CNTNAP2: variants seen among roughly 807,000 people sequenced by gnomAD.
CNTNAP2 encodes contactin-associated protein-like 2.
In CNTNAP2, 98 loss-of-function variants were observed where a neutral mutation model predicts 155.2. The observed-to-expected ratio is 0.63, with a 90% confidence interval of 0.54 to 0.75. CNTNAP2 has a LOEUF of 0.75. Among genes scored for constraint, CNTNAP2 ranks in the 30% least tolerant of loss-of-function variants. The pLI is 0.00. For missense variants in CNTNAP2, 1,727 were observed against 1,688.1 expected (o/e 1.02, Z -0.40); for synonymous variants, 651 against 631.2 (o/e 1.03, Z -0.47).
At chr7:147,366,289 T>A (rs1010299064) in intron 9 of CNTNAP2, among the ~76,000 whole-genome samples, 1 of 152,160 alleles carries the variant, frequency 6.6e-6, no homozygotes, top group African/African-American at 2.4e-5. Context: ...CCTTCTCCAT[T>A]TTTTTCTTTA....
At chr7:146,175,568 C>A (rs976362998) in intron 1 of CNTNAP2, among the ~76,000 whole-genome samples, 2 of 152,162 alleles carry the variant, frequency 1.3e-5, no homozygotes, top group African/African-American at 4.8e-5. Flanking sequence ...CCTATGATTA[C>A]ATGATTGCCA....
chr7:147,459,997 T>A (rs933580479), intron 10 of CNTNAP2, among the ~76,000 whole-genome samples: 3 of 151,872 alleles, frequency 2.0e-5, no homozygotes, highest in Non-Finnish European at 4.4e-5. Flanking sequence ...TGTCAGGGGA[T>A]GGTGGGCTAG....
chr7:148,090,754 C>G (rs1460178621), intron 15 of CNTNAP2, among the ~76,000 whole-genome samples: 1 of 151,996 alleles, frequency 6.6e-6, no homozygotes, highest in Non-Finnish European at 1.5e-5. Context: ...GGCTACATAT[C>G]CAAAGGAAAT....
At chr7:148,181,754 T>A (rs1256008555) in intron 18 of CNTNAP2, among the ~76,000 whole-genome samples, 9 of 119,756 alleles carry the variant, frequency 7.5e-5, no homozygotes, top group African/African-American at 3.0e-4. Context: ...TTTTTTTTTT[T>A]TTTTTTTTTT....
chr7:147,381,074 G>T (rs1429451816), intron 9 of CNTNAP2, among the ~76,000 whole-genome samples: 3 of 152,042 alleles, frequency 2.0e-5, no homozygotes, highest in Non-Finnish European at 4.4e-5. Flanking sequence ...CCTCAAAGCT[G>T]TCTAATTCAA....
intron 3 of CNTNAP2, among the ~76,000 whole-genome samples, chr7:146,942,220 T>A (rs750818830): frequency 6.6e-6 from 1 of 151,964 alleles, no homozygotes; most frequent in Admixed American, 6.6e-5. Context: ...GAAGAAAAAA[T>A]ATAGATGTAA....
intron 4 of CNTNAP2, among the ~76,000 whole-genome samples, chr7:147,045,600 A>G (rs1338130528): frequency 1.3e-5 from 2 of 152,148 alleles, no homozygotes; most frequent in African/African-American, 2.4e-5. Flanking sequence ...AAAATTTAGC[A>G]TTTCTGGTAA....
intron 14 of CNTNAP2, among the ~76,000 whole-genome samples, chr7:147,950,410 T>C (rs1800907115): frequency 6.6e-6 from 1 of 150,668 alleles, no homozygotes; most frequent in Non-Finnish European, 1.5e-5. Flanking sequence ...ACAGTTTTGT[T>C]TATTGTGCTT....
intron 1 of CNTNAP2, among the ~76,000 whole-genome samples, chr7:146,277,095 A>G (rs1467983431): frequency 6.6e-6 from 1 of 152,160 alleles, no homozygotes; most frequent in African/African-American, 2.4e-5. Context: ...GGAGAGGTTC[A>G]TGTGAATGAA....
At chr7:147,096,257 A>G (rs1800530153) in intron 4 of CNTNAP2, among the ~76,000 whole-genome samples, 1 of 152,232 alleles carries the variant, frequency 6.6e-6, no homozygotes. Context: ...CCTCTGCATA[A>G]TACAACTCCA....
chr7:146,692,114 T>A (rs1266599693), intron 1 of CNTNAP2, among the ~76,000 whole-genome samples: 2 of 152,178 alleles, frequency 1.3e-5, no homozygotes, highest in Admixed American at 6.6e-5. Flanking sequence ...GGCACATTTA[T>A]GTTTTTCATC....
chr7:147,639,938 C>T (rs1157643378), intron 13 of CNTNAP2, among the ~76,000 whole-genome samples: 1 of 152,124 alleles, frequency 6.6e-6, no homozygotes, highest in African/African-American at 2.4e-5. Flanking sequence ...GCAACAAGTT[C>T]CATATGCTCT....
intron 4 of CNTNAP2, among the ~76,000 whole-genome samples, chr7:147,060,060 T>C (rs764519910): frequency 6.6e-6 from 1 of 152,120 alleles, no homozygotes; most frequent in Non-Finnish European, 1.5e-5. Flanking sequence ...TTTAACAATA[T>C]GAAAATGAAG....
intron 3 of CNTNAP2, among the ~76,000 whole-genome samples, chr7:146,994,545 G>A (rs1482084361): frequency 1.3e-5 from 2 of 152,026 alleles, no homozygotes; most frequent in African/African-American, 4.8e-5. Flanking sequence ...AATTATTTCT[G>A]CTAAATGAGT....
At chr7:146,900,551 C>A (rs1161941600) in intron 3 of CNTNAP2, among the ~76,000 whole-genome samples, 2 of 152,148 alleles carry the variant, frequency 1.3e-5, no homozygotes, top group Non-Finnish European at 2.9e-5. Context: ...CTTATCCAGT[C>A]AAGCCCTGGC....
At chr7:146,850,617 C>G (rs1373532617) in intron 3 of CNTNAP2, among the ~76,000 whole-genome samples, 1 of 152,104 alleles carries the variant, frequency 6.6e-6, no homozygotes, top group East Asian at 1.9e-4. Context: ...GAAAGTACAA[C>G]TTTCCCTGGG....
intron 20 of CNTNAP2, among the ~76,000 whole-genome samples, chr7:148,242,256 C>T (rs890742074): frequency 1.3e-5 from 2 of 152,156 alleles, no homozygotes; most frequent in Non-Finnish European, 2.9e-5. Context: ...GTTTCTTGCC[C>T]AGGTAACTGA....
intron 3 of CNTNAP2, among the ~76,000 whole-genome samples, chr7:146,964,871 G>A (rs1211400014): frequency 1.7e-5 from 2 of 121,096 alleles, no homozygotes; most frequent in African/African-American, 5.6e-5. Flanking sequence ...AAAAAAAAAT[G>A]TTATTTACTA....
At chr7:146,727,236 T>C (rs1474682047) in intron 1 of CNTNAP2, among the ~76,000 whole-genome samples, 2 of 152,204 alleles carry the variant, frequency 1.3e-5, no homozygotes, top group African/African-American at 4.8e-5. Flanking sequence ...TCCTTTGCAT[T>C]GTGTAGGATA....
Sources: gnomAD v4.1 joint callset for allele counts (sites outside exome capture counted in the v4.1 genomes callset) on GRCh38, gnomAD v4.1.1 for gene constraint, MANE v1.5 for transcripts, NCBI Gene and HGNC (gene_info 2026-07-23, HGNC 2026-07-21) for gene names.